SMAP2: variants seen among roughly 807,000 people sequenced by gnomAD.
The protein encoded by SMAP2 is small ArfGAP2.
Under a neutral mutation model 56.4 loss-of-function variants are expected in SMAP2, and 25 were observed. That is an observed-to-expected ratio of 0.44 (90% CI 0.32 to 0.62). The LOEUF (loss-of-function observed/expected upper bound fraction) is 0.62. Ranked by LOEUF, SMAP2 falls within the 20% of genes least tolerant of loss-of-function variation. SMAP2 has a pLI of 0.04. For missense variants in SMAP2, 388 were observed against 545.6 expected (o/e 0.71, Z 2.88); for synonymous variants, 157 against 181.7 (o/e 0.86, Z 1.09).
At chr1:40,346,029 G>A (rs903024411) in intron 1 of SMAP2, among the ~76,000 whole-genome samples, 2 of 123,834 alleles carry the variant, frequency 1.6e-5, no homozygotes, top group Admixed American at 1.0e-4. Flanking sequence ...GACCCAGGCT[G>A]GTCTCAAATT....
intron 1 of SMAP2, among the ~76,000 whole-genome samples, chr1:40,356,700 G>A (rs765041650): frequency 2.0e-5 from 3 of 152,096 alleles, no homozygotes; most frequent in African/African-American, 4.8e-5. Context: ...GTGAGCCACC[G>A]TGCTGGACCC....
In SMAP2 at chr1:40,401,815, G is replaced by A. The variant is rs911521926; in HGVS notation, c.104-4921G>A. ...TTGTCAAAATACATGCAACAGGTCC[G>A]TGTAAACCCAGATTTTTCCGATACT... On this transcript the variant is annotated intron_variant, in intron 1 of 9. Coordinates refer to ENST00000372718, the MANE Select transcript of SMAP2 (RefSeq NM_022733.3). 1.1e-4 allele frequency among the ~76,000 whole-genome samples: 16 copies of A among 152,320 alleles called. 1 individual carries two copies. Among genetic ancestry groups the A allele is most frequent in the East Asian group, 5.8e-4 (3 of 5,188 alleles).
chr1:40,417,692 C>A (rs115439642), intron 9 of SMAP2, among the ~76,000 whole-genome samples: 1 of 151,948 alleles, frequency 6.6e-6, no homozygotes, highest in Non-Finnish European at 1.5e-5. Flanking sequence ...AGGTAGTAAC[C>A]TTGGGAAAGC....
At chr1:40,365,189 C>T (rs952448523) in intron 2 of SMAP2, 2 of 153,752 alleles carry the variant, frequency 1.3e-5, no homozygotes, top group African/African-American at 4.8e-5. Context: ...TATTAAGCCA[C>T]ATTCTAGGCT....
intron 1 of SMAP2, among the ~76,000 whole-genome samples, chr1:40,391,416 C>T (rs991705629): frequency 2.6e-5 from 4 of 151,906 alleles, no homozygotes; most frequent in East Asian, 1.9e-4. Context: ...CAGCTGTTAG[C>T]GCAGCAGTCC....
At chr1:40,347,446 A>G (rs1278288671) in intron 1 of SMAP2, among the ~76,000 whole-genome samples, 1 of 151,964 alleles carries the variant, frequency 6.6e-6, no homozygotes, top group African/African-American at 2.4e-5. Flanking sequence ...TCTTATGTTT[A>G]TTAACCACTT....
intron 5 of SMAP2, among the ~76,000 whole-genome samples, chr1:40,413,331 A>G (rs1252479048): frequency 6.6e-6 from 1 of 152,172 alleles, no homozygotes; most frequent in African/African-American, 2.4e-5. Flanking sequence ...GAACTCAGGA[A>G]ATGCATCTGT....
intron 1 of SMAP2, among the ~76,000 whole-genome samples, chr1:40,356,536 G>T (rs144446332): frequency 0.018 from 2,781 of 151,726 alleles, 41 homozygotes; most frequent in Non-Finnish European, 0.029. Context: ...TCAGCCTCCT[G>T]AGTAGCTGGG....
In SMAP2 at chr1:40,386,944, T is replaced by C. The variant is rs755425605; in HGVS notation, c.103+12721T>C. Among the ~76,000 whole-genome samples the C allele has an allele frequency of 6.6e-6, 1 of 150,720 alleles. No individual in the cohort carries two copies. Among genetic ancestry groups the C allele is most frequent in the Admixed American group, 6.6e-5 (1 of 15,112 alleles). Reference sequence around the variant, plus strand: ...CGATCTCAGCTCACTGCAGCCTCTATCAGGCTTAAGCAGTTCTTCTGTCTC... The same window carrying C: ...CGATCTCAGCTCACTGCAGCCTCTACCAGGCTTAAGCAGTTCTTCTGTCTC... On this transcript the variant is annotated intron_variant, in intron 1 of 9. Transcript: ENST00000372718. This position sits in a 1 kb window ranked among gnomAD's most constrained non-coding sequence, Gnocchi z 4.1.
At chr1:40,349,880 G>A (rs1363281111) in intron 1 of SMAP2, among the ~76,000 whole-genome samples, 4 of 152,192 alleles carry the variant, frequency 2.6e-5, no homozygotes, top group East Asian at 3.8e-4. Context: ...TTGACTTGCA[G>A]AAGCACCTTG....
chr1:40,349,693 G>C (rs1024288229), intron 1 of SMAP2, among the ~76,000 whole-genome samples: 1 of 151,912 alleles, frequency 6.6e-6, no homozygotes, highest in African/African-American at 2.4e-5. Flanking sequence ...TAATTTTTTT[G>C]TATTTTTAGT....
At chr1:40,383,468 T>C (rs986990647) in intron 1 of SMAP2, among the ~76,000 whole-genome samples, 2 of 152,222 alleles carry the variant, frequency 1.3e-5, no homozygotes, top group African/African-American at 2.4e-5. Flanking sequence ...ACAAAGGCAC[T>C]GAATTCTCCA....
In SMAP2 at chr1:40,408,287, T is replaced by C. The variant is rs189153160; in HGVS notation, c.238-366T>C. On this transcript the variant is annotated intron_variant, in intron 2 of 9. Transcript: ENST00000372718. This position sits in a 1 kb window ranked among gnomAD's most constrained non-coding sequence, Gnocchi z 4.3. ...AAACACATTTATTGGAATTGATTAA[T>C]AGTATAAACTCAGAATGATAACACT... Among the ~76,000 whole-genome samples, 1 of 152,354 alleles carries C rather than the reference T, an allele frequency of 6.6e-6. No individual in the cohort carries two copies. Among genetic ancestry groups the C allele is most frequent in the Admixed American group, 6.5e-5 (1 of 15,312 alleles).
At chr1:40,354,427 C>T (rs188248034) in intron 1 of SMAP2, among the ~76,000 whole-genome samples, 121 of 151,848 alleles carry the variant, frequency 8.0e-4, no homozygotes, top group Non-Finnish European at 1.5e-3. Flanking sequence ...TGATCTCCGC[C>T]TCCCGGGTTC....
chr1:40,395,793 A>G lies in SMAP2; in HGVS notation c.104-10943A>G, dbSNP rs758109034. ...GAAGAATGCCTCCTTCCTTTCTCCT[A>G]GTAGACCTCAGTCTGCTTTCCTGTT... is the stretch of plus-strand genomic sequence containing the variant. On this transcript the variant is annotated intron_variant, in intron 1 of 9. Coordinates refer to ENST00000372718, the MANE Select transcript of SMAP2 (RefSeq NM_022733.3). Among the ~76,000 whole-genome samples the G allele has an allele frequency of 5.3e-5, 8 of 152,214 alleles. No homozygotes were observed. In the East Asian group the frequency reaches 7.7e-4, roughly 15 times the overall value.
intron 1 of SMAP2, among the ~76,000 whole-genome samples, chr1:40,358,476 G>T (rs926104241): frequency 6.6e-6 from 1 of 152,064 alleles, no homozygotes; most frequent in Non-Finnish European, 1.5e-5. Context: ...CCCAGGGGGC[G>T]GAGGTTACAG....
chr1:40,369,486 G>A (rs1204535792), upstream of SMAP2, among the ~76,000 whole-genome samples: 1 of 150,988 alleles, frequency 6.6e-6, no homozygotes, highest in African/African-American at 2.4e-5. Context: ...AAAACAGCAT[G>A]GTACTGGTAC....
chr1:40,421,909 C>G lies in SMAP2; in HGVS notation c.1165-67C>G, dbSNP rs936997702. 5.0e-6 allele frequency: 8 copies of G among 1,593,758 alleles called. No individual in the cohort carries two copies. The Admixed American group carries it at 1.2e-4, about 23-fold the overall frequency. ...TCCTGGCAGAGAAAGGGACTCTCAC[C>G]CTGCCTTTTGCACTAATTGGCGGAA... On this transcript the variant is annotated intron_variant, in intron 9 of 9. Coordinates refer to ENST00000372718, the MANE Select transcript of SMAP2 (RefSeq NM_022733.3).
Position 40,408,126 on chromosome 1 carries a change from A to G in SMAP2, c.238-527A>G, listed in dbSNP as rs74071019. ...TTAAAGGTCTAAAAAGGTGAGTTAC[A>G]TTTTTCAGTTACACTTCACTCTGTT... On this transcript the variant is annotated intron_variant, in intron 2 of 9. Coordinates refer to ENST00000372718, the MANE Select transcript of SMAP2 (RefSeq NM_022733.3). This position sits in a 1 kb window ranked among gnomAD's most constrained non-coding sequence, Gnocchi z 4.3. Among the ~76,000 whole-genome samples the G allele has an allele frequency of 0.012, 1,829 of 152,278 alleles. 28 individuals carry two copies. Among genetic ancestry groups the G allele is most frequent in the African/African-American group, 0.041 (1,710 of 41,538 alleles).
Sources: allele counts gnomAD v4.1 joint callset (sites outside exome capture counted in the v4.1 genomes callset), GRCh38; gene constraint gnomAD v4.1.1; non-coding constraint Gnocchi (gnomAD v3.1); transcripts MANE v1.5; gene names NCBI Gene and HGNC (gene_info 2026-07-23, HGNC 2026-07-21).